The following AHI1 variants were observed in gnomAD, a reference collection of about 807,000 sequenced individuals.
The protein encoded by AHI1 is Abelson helper integration site 1, also known as jouberin.
AHI1 carries 123 observed loss-of-function variants against 149.3 expected under a neutral mutation model. That is an observed-to-expected ratio of 0.82 (90% CI 0.71 to 0.96). The LOEUF is 0.96. AHI1 is among the 40% of genes least tolerant of loss of function. The pLI, the probability that AHI1 is intolerant of heterozygous loss-of-function variation, is 0.00. For missense variants in AHI1, 1,439 were observed against 1,422.7 expected (o/e 1.01, Z -0.18); for synonymous variants, 475 against 459.8 (o/e 1.03, Z -0.42).
rs116799796 is a variant in AHI1 at position 135,460,098 on chromosome 6, G to A, written c.932-2385C>T. Reference sequence around the variant, plus strand: ...CTTGGAAGACTGAGGTGGGAAGATCGCTTGAACCTGGGAAGTATAAGTTGC... The same window carrying A: ...CTTGGAAGACTGAGGTGGGAAGATCACTTGAACCTGGGAAGTATAAGTTGC... On this transcript the variant is annotated intron_variant, in intron 8 of 28. Transcript: ENST00000265602. Among the ~76,000 whole-genome samples, 767 of 152,196 alleles carry A rather than the reference G, an allele frequency of 5.0e-3. 4 individuals are homozygous for A. Among genetic ancestry groups the A allele is most frequent in the African/African-American group, 0.018 (744 of 41,518 alleles).
chr6:135,479,160 C>T (rs907669650), intron 5 of AHI1, among the ~76,000 whole-genome samples: 1 of 152,248 alleles, frequency 6.6e-6, no homozygotes, highest in Non-Finnish European at 1.5e-5. Flanking sequence ...TGAGGGGTTA[C>T]AGCCCCCACA....
intron 5 of AHI1, among the ~76,000 whole-genome samples, chr6:135,483,249 A>G (rs1484260995): frequency 1.3e-5 from 2 of 151,920 alleles, no homozygotes; most frequent in Admixed American, 1.3e-4. Flanking sequence ...AGGGTTCTAA[A>G]CTTGTTTTTG....
chr6:135,308,604 A>G (rs1220300454), intron 26 of AHI1, among the ~76,000 whole-genome samples: 1 of 152,208 alleles, frequency 6.6e-6, no homozygotes, highest in Non-Finnish European at 1.5e-5. Flanking sequence ...GAATTTGAGA[A>G]TTTATAGTAT....
intron 3 of AHI1, chr6:135,492,500 T>C (rs1205066384): frequency 1.7e-6 from 2 of 1,178,446 alleles, no homozygotes; most frequent in Non-Finnish European, 1.0e-6. Flanking sequence ...ACAAACTAGA[T>C]CATATCTGAA....
chr6:135,418,435 T>C (rs1477996583), intron 20 of AHI1, among the ~76,000 whole-genome samples: 2 of 152,178 alleles, frequency 1.3e-5, no homozygotes, highest in African/African-American at 4.8e-5. Flanking sequence ...GTTTTTATGA[T>C]GGAAAATCCT....
chr6:135,371,110 T>C lies in AHI1; in HGVS notation c.3110-12923A>G, dbSNP rs373740720. On this transcript the variant is annotated intron_variant, in intron 23 of 28. Transcript: ENST00000265602. ...AGAGATAAAAATGCATGGGAATTTG[T>C]AGAAGTGCTAAGTGTGAATTTATGA... Among the ~76,000 whole-genome samples, 9 of 152,222 alleles carry C rather than the reference T, an allele frequency of 5.9e-5. No homozygotes were observed. In the East Asian group the frequency reaches 7.7e-4, roughly 13 times the overall value.
At chr6:135,392,085 G>T (rs576966720) in intron 23 of AHI1, among the ~76,000 whole-genome samples, 37 of 152,248 alleles carry the variant, frequency 2.4e-4, no homozygotes, top group African/African-American at 8.9e-4. Flanking sequence ...CTTTATTCTG[G>T]TGACACTTTG....
chr6:135,484,708 T>A (rs1055405264), intron 5 of AHI1, among the ~76,000 whole-genome samples: 1 of 151,934 alleles, frequency 6.6e-6, no homozygotes, highest in African/African-American at 2.4e-5. Flanking sequence ...CTATTAATGC[T>A]ATGACTATAA....
At position 135,288,580 on chromosome 6, in the gene AHI1, T is replaced by C. The variant is rs999390725; in HGVS notation, c.3588+1843A>G. Among the ~76,000 whole-genome samples, 58 of 150,976 alleles carry C rather than the reference T, an allele frequency of 3.8e-4. 2 individuals carry two copies. Among genetic ancestry groups the C allele is most frequent in the Non-Finnish European group, 2.9e-5 (2 of 67,996 alleles). On this transcript the variant is annotated intron_variant, in intron 28 of 28. Transcript: ENST00000265602. ...GTCTTTTGATGTATATTATATAAAC[T>C]ATTTTATAATCATTTTTTACTTAAA... is the stretch of plus-strand genomic sequence containing the variant.
At chr6:135,477,959 G>T (rs756846226) in intron 5 of AHI1, among the ~76,000 whole-genome samples, 3 of 151,070 alleles carry the variant, frequency 2.0e-5, no homozygotes, top group Non-Finnish European at 2.9e-5. Flanking sequence ...CACCACACCC[G>T]GCTAATTTTT....
chr6:135,441,236 A>C (rs533730981), intron 14 of AHI1, among the ~76,000 whole-genome samples: 1 of 152,306 alleles, frequency 6.6e-6, no homozygotes, highest in South Asian at 2.1e-4. Flanking sequence ...ATCTAAACTG[A>C]AAGAATTACT....
intron 3 of AHI1, chr6:135,495,281 A>G (rs763534499): frequency 2.0e-5 from 3 of 152,170 alleles, no homozygotes; most frequent in African/African-American, 4.8e-5. Flanking sequence ...CTAGCTCCCA[A>G]TCGCACATTG....
intron 3 of AHI1, among the ~76,000 whole-genome samples, chr6:135,493,441 G>A (rs527348249): frequency 5.3e-5 from 8 of 152,256 alleles, no homozygotes; most frequent in East Asian, 1.9e-4. Flanking sequence ...CAACAACTAC[G>A]TGGCACCCAG....
chr6:135,447,182 A>T (rs2128056697), intron 12 of AHI1, 22 bp from the exon 13 acceptor site: 9 of 1,472,300 alleles, frequency 6.1e-6, no homozygotes, highest in Non-Finnish European at 7.3e-6. Flanking sequence ...TTAAAATATG[A>T]AAATTTATAT....
intron 23 of AHI1, among the ~76,000 whole-genome samples, chr6:135,389,169 G>A (rs1778080020): frequency 1.3e-5 from 2 of 151,962 alleles, no homozygotes; most frequent in Admixed American, 6.6e-5. Flanking sequence ...AAATTAGCCA[G>A]GCATGGTGGC....
intron 23 of AHI1, among the ~76,000 whole-genome samples, chr6:135,386,578 G>A (rs1777620681): frequency 6.6e-6 from 1 of 152,002 alleles, no homozygotes; most frequent in African/African-American, 2.4e-5. Flanking sequence ...CCAAAGTGCT[G>A]GGATTACAGG....
chr6:135,433,256 C>A lies in AHI1; in HGVS notation c.2037G>T (p.Arg679Ser). 6.3e-7 allele frequency: 1 copy of A among 1,583,856 alleles called. No homozygotes were observed. The highest frequency in any genetic ancestry group is 8.7e-7 in the Non-Finnish European group (1 of 1,154,184). Residue 679 changes from arginine to serine, a missense_variant and splice_region_variant, in exon 16 of 29, where the codon AGG becomes AGT. Physicochemically the swap from Arg to Ser is moderately radical, Grantham distance 110. Transcript: ENST00000265602. ...TATTGTTTATTTCATTTTTCCATAT[C>A]CTGGAAAAGGATAAGAAGTTACATA... ...ILTSSSDGTA[R>S]IWKNEINNTN... is the part of the protein sequence containing the mutation.
chr6:135,459,201 T>C (rs118076879), intron 8 of AHI1, among the ~76,000 whole-genome samples: 5 of 152,252 alleles, frequency 3.3e-5, no homozygotes, highest in Non-Finnish European at 5.9e-5. Context: ...CTGACAACAA[T>C]GGAAGACAGA....
In AHI1 at chr6:135,466,048, T is replaced by C; in HGVS notation, c.515A>G (p.Lys172Arg). The part of the protein sequence containing the change: ...QPGVDHQKSE[K>R]ANEGREETDL... ...AGTCTCTTCTCTTCCCTCATTTGCC[T>C]TCTCACTTTTCTGATGATCAACGCC... Residue 172 changes from lysine to arginine, a missense_variant, in exon 7 of 29, where the codon AAG becomes AGG. Transcript: ENST00000265602. The C allele has an allele frequency of 6.2e-7, 1 of 1,613,960 alleles. No individual in the cohort carries two copies. The highest frequency in any genetic ancestry group is 8.5e-7 in the Non-Finnish European group (1 of 1,179,850).
Sources: allele counts gnomAD v4.1 joint callset (sites outside exome capture counted in the v4.1 genomes callset), GRCh38; gene constraint gnomAD v4.1.1; transcripts MANE v1.5; gene names NCBI Gene and HGNC (gene_info 2026-07-23, HGNC 2026-07-21).